LRRIQ3: variants seen among roughly 807,000 people sequenced by gnomAD.
The protein encoded by LRRIQ3 is leucine rich repeats and IQ motif containing 3.
A neutral mutation model predicts 59.3 loss-of-function variants in LRRIQ3; 75 were observed. The observed-to-expected ratio is 1.26, with a 90% CI of 1.05 to 1.53. The LOEUF (loss-of-function observed/expected upper bound fraction) is 1.53, where lower values mean the gene tolerates loss of function less well. Among genes scored for constraint, LRRIQ3 ranks in the 40% most tolerant of loss-of-function variants. The pLI is 0.00. For synonymous variants in LRRIQ3, 250 were observed against 231.3 expected, an observed-to-expected ratio of 1.08 and a Z score of -0.73; for missense variants, 831 against 710.0, an observed-to-expected ratio of 1.17 and a Z score of -1.94.
chr1:74,141,422 CTA>C (rs1490060261), intron 4 of LRRIQ3, among the ~76,000 whole-genome samples: 1 of 151,658 alleles, frequency 6.6e-6, no homozygotes, highest in Non-Finnish European at 1.5e-5. Flanking sequence ...AAAAGTATAA[CTA>C]TGGCTTTTTC....
At chr1:74,119,013 G>A (rs1452605383) in intron 4 of LRRIQ3, among the ~76,000 whole-genome samples, 3 of 152,054 alleles carry the variant, frequency 2.0e-5, no homozygotes, top group East Asian at 1.9e-4. Flanking sequence ...AAATTCTACC[G>A]TTATAACAAC....
At chr1:74,043,755 A>ACAAACCTTTG (rs1170796229) in intron 6 of LRRIQ3, among the ~76,000 whole-genome samples, 2 of 152,142 alleles carry the variant, frequency 1.3e-5, no homozygotes, top group African/African-American at 4.8e-5. Context: ...ATTGTACCTT[A>ACAAACCTTTG]TACACAAACA....
chr1:74,165,126 T>G (rs116028455), intron 3 of LRRIQ3, among the ~76,000 whole-genome samples: 417 of 151,658 alleles, frequency 2.7e-3, no homozygotes, highest in African/African-American at 9.1e-3. Context: ...TTTTCTAAGT[T>G]CTTTTAACAA....
rs771327623 is a variant in LRRIQ3, at chr1:74,026,052, T to C, written c.*761A>G. The C allele has an allele frequency of 7.9e-5, 12 of 152,154 alleles. No homozygotes were observed. Among genetic ancestry groups the C allele is most frequent in the Non-Finnish European group, 1.6e-4 (11 of 67,910 alleles). 9.4% of individuals were successfully genotyped at this position (152,154 alleles called of 1,614,324 possible). On this transcript the variant is annotated 3_prime_UTR_variant, in exon 8 of 8. Transcript: ENST00000354431. ...TTTTAACAGTTTATTTTTCAAATTT[T>C]CTACCATTGGTATGTATTAAACAGA...
chr1:74,121,936 G>C (rs1410728866), intron 4 of LRRIQ3, among the ~76,000 whole-genome samples: 1 of 152,006 alleles, frequency 6.6e-6, no homozygotes, highest in African/African-American at 2.4e-5. Flanking sequence ...TGGCTGCATA[G>C]TATTCCATGG....
rs532834930 is a variant in LRRIQ3 at position 74,029,627 on chromosome 1, G to A, written c.1719-2658C>T. ...GTATTTTATTGAGGATTTTTGCATC[G>A]ATGTTCACCAGGGATATTGGTCTAA... On this transcript the variant is annotated intron_variant, in intron 7 of 7. Transcript: ENST00000354431. 7.6e-4 allele frequency among the ~76,000 whole-genome samples: 115 copies of A among 152,032 alleles called. 1 individual carries two copies. Among genetic ancestry groups the A allele is most frequent in the Admixed American group, 2.2e-3 (34 of 15,246 alleles).
At chr1:74,160,226 A>G (rs894813082) in intron 3 of LRRIQ3, among the ~76,000 whole-genome samples, 2 of 152,072 alleles carry the variant, frequency 1.3e-5, no homozygotes, top group African/African-American at 4.8e-5. Flanking sequence ...CTAAACTCCA[A>G]GAACACGAAA....
At chr1:74,148,740 C>T (rs373249911) in intron 4 of LRRIQ3, among the ~76,000 whole-genome samples, 19 of 152,156 alleles carry the variant, frequency 1.2e-4, no homozygotes, top group African/African-American at 4.3e-4. Context: ...ATTACATCTG[C>T]ATAATATCAT....
intron 6 of LRRIQ3, among the ~76,000 whole-genome samples, chr1:74,045,098 T>C (rs1164414618): frequency 1.3e-5 from 2 of 152,152 alleles, no homozygotes; most frequent in African/African-American, 4.8e-5. Context: ...CGAATCCTCC[T>C]TAACTCATTT....
chr1:74,124,756 C>G (rs1223583866), intron 4 of LRRIQ3, among the ~76,000 whole-genome samples: 1 of 151,878 alleles, frequency 6.6e-6, no homozygotes, highest in East Asian at 1.9e-4. Context: ...GTTTTGGTTA[C>G]TATATCTCTG....
chr1:74,039,154 A>C (rs1369775632), intron 7 of LRRIQ3, among the ~76,000 whole-genome samples: 2 of 152,194 alleles, frequency 1.3e-5, no homozygotes, highest in Non-Finnish European at 2.9e-5. Flanking sequence ...GGAGCTAAAA[A>C]CATAGGACGA....
chr1:74,174,548 ATTTTTTT>A (rs34076332), intron 3 of LRRIQ3, among the ~76,000 whole-genome samples: 1 of 134,636 alleles, frequency 7.4e-6, no homozygotes, highest in African/African-American at 2.8e-5. Context: ...ATGCCTGGCT[ATTTTTTT>A]TTTTTTTTTT....
intron 4 of LRRIQ3, among the ~76,000 whole-genome samples, chr1:74,121,416 G>C (rs1284542215): frequency 1.3e-5 from 2 of 152,152 alleles, no homozygotes; most frequent in Admixed American, 1.3e-4. Flanking sequence ...GCTGCCCTAG[G>C]CTTGCGCTGA....
At chr1:74,067,663 T>C (rs904613894) in intron 6 of LRRIQ3, among the ~76,000 whole-genome samples, 1 of 152,094 alleles carries the variant, frequency 6.6e-6, no homozygotes, top group Non-Finnish European at 1.5e-5. Flanking sequence ...TATCTGCTTT[T>C]TTTTCTTAAT....
At chr1:74,095,645 G>T (rs2100526848) in intron 5 of LRRIQ3, among the ~76,000 whole-genome samples, 1 of 152,108 alleles carries the variant, frequency 6.6e-6, no homozygotes, top group East Asian at 1.9e-4. Context: ...TATGTAGACA[G>T]TATATTCAAT....
intron 6 of LRRIQ3, among the ~76,000 whole-genome samples, chr1:74,053,383 G>A (rs761622906): frequency 2.0e-5 from 3 of 151,962 alleles, no homozygotes; most frequent in Non-Finnish European, 4.4e-5. Context: ...TGTTAATCTG[G>A]ATTTCATTAA....
At chr1:74,130,167 T>G (rs1646991807) in intron 4 of LRRIQ3, among the ~76,000 whole-genome samples, 1 of 152,058 alleles carries the variant, frequency 6.6e-6, no homozygotes. Context: ...GCACCAGGAC[T>G]TGCCCACAGA....
In LRRIQ3 at chr1:74,183,674, C is replaced by T; in HGVS notation, c.11G>A (p.Gly4Glu). 6.4e-7 allele frequency: 1 copy of T among 1,555,708 alleles called. No individual in the cohort carries two copies. Among genetic ancestry groups the T allele is most frequent in the Non-Finnish European group, 8.7e-7 (1 of 1,152,846 alleles). ...ACTGGTTAGCTCTTCTGTGACTGTT[C>T]CATGAAACATCTAGGAAAGATAAGA... MFH[G>E]TVTEELTSHE... The change falls in exon 2 of 8, where the codon GGA (glycine) becomes GAA (glutamate). Residue 4 changes from glycine (G) to glutamate (E), a missense_variant. Coordinates refer to ENST00000354431, the MANE Select transcript of LRRIQ3 (RefSeq NM_001105659.2).
At chr1:74,144,765 T>G (rs374620944) in intron 4 of LRRIQ3, among the ~76,000 whole-genome samples, 38 of 151,970 alleles carry the variant, frequency 2.5e-4, no homozygotes, top group African/African-American at 8.2e-4. Flanking sequence ...GCACAGGCTA[T>G]ATCAGATTTT....
Sources: allele counts gnomAD v4.1 joint callset (sites outside exome capture counted in the v4.1 genomes callset), GRCh38; gene constraint gnomAD v4.1.1; transcripts MANE v1.5; gene names NCBI Gene and HGNC (gene_info 2026-07-23, HGNC 2026-07-21).